Variants in LANCL3 observed in about 807,000 individuals in gnomAD.
The protein encoded by LANCL3 is lanC-like protein 3.
Under a neutral mutation model 26.5 loss-of-function variants are expected in LANCL3, and 19 were observed. The ratio of observed to expected loss-of-function variants is 0.72; its 90% CI spans 0.50 to 1.05. The LOEUF is 1.05. Ranked by LOEUF, LANCL3 falls within the 50% of genes least tolerant of loss-of-function variation. The pLI, the probability that LANCL3 is intolerant of heterozygous loss-of-function variation, is 0.00. For synonymous variants in LANCL3, 160 were observed against 166.6 expected (o/e 0.96, Z 0.30); for missense variants, 318 against 362.7 (o/e 0.88, Z 1.00).
At chrX:37,608,564 CA>C (rs1269883892) in intron 1 of LANCL3, among the ~76,000 whole-genome samples, 1 of 111,505 alleles carries the variant, frequency 9.0e-6, no homozygotes, top group East Asian at 2.8e-4. Flanking sequence ...TATTAGTAAT[CA>C]GGGAATGGAA....
At chrX:37,578,033 A>G (rs1235801257) in intron 1 of LANCL3, among the ~76,000 whole-genome samples, 12 of 112,219 alleles carry the variant, frequency 1.1e-4, no homozygotes, top group African/African-American at 3.6e-4. Flanking sequence ...TCCAAATCCA[A>G]GCTCTTTCCA....
chrX:37,607,486 C>T (rs1268182116), intron 1 of LANCL3, among the ~76,000 whole-genome samples: 1 of 112,177 alleles, frequency 8.9e-6, no homozygotes, highest in Non-Finnish European at 1.9e-5. Context: ...GCACCCAGCC[C>T]GTGTTCTATT....
chrX:37,625,917 G>T (rs1228873580), intron 1 of LANCL3, among the ~76,000 whole-genome samples: 7 of 111,468 alleles, frequency 6.3e-5, no homozygotes, highest in Non-Finnish European at 1.3e-4. Flanking sequence ...GCTTCAGGCT[G>T]TATGCAGGGT....
intron 1 of LANCL3, among the ~76,000 whole-genome samples, chrX:37,639,762 A>G (rs1437358910): frequency 8.9e-6 from 1 of 111,755 alleles, no homozygotes; most frequent in Admixed American, 9.5e-5. Context: ...TTTAAAAAAA[A>G]TGAGTGTCTG....
intron 1 of LANCL3, among the ~76,000 whole-genome samples, chrX:37,600,700 C>T (rs1174243469): frequency 8.9e-6 from 1 of 112,028 alleles, no homozygotes; most frequent in African/African-American, 3.2e-5. Flanking sequence ...AACTTTCATG[C>T]ACCTGAATCA....
At chrX:37,585,697 T>C (rs878949240) in intron 1 of LANCL3, among the ~76,000 whole-genome samples, 1 of 111,626 alleles carries the variant, frequency 9.0e-6, no homozygotes, top group Non-Finnish European at 1.9e-5. Flanking sequence ...TGTCTCTGCA[T>C]GTGAGATGGG....
intron 1 of LANCL3, among the ~76,000 whole-genome samples, chrX:37,601,458 C>A (rs1924573139): frequency 9.2e-6 from 1 of 108,512 alleles, no homozygotes; most frequent in Non-Finnish European, 1.9e-5. Context: ...ATAATGAAAT[C>A]TACCCAGATC....
intron 1 of LANCL3, among the ~76,000 whole-genome samples, chrX:37,641,539 C>G (rs782698923): frequency 1.8e-5 from 2 of 110,715 alleles, no homozygotes; most frequent in East Asian, 5.6e-4. Flanking sequence ...CCAAGGAATA[C>G]ATTTATTAAA....
chrX:37,647,328 A>AAAAAAACT (rs1556427346), intron 1 of LANCL3, among the ~76,000 whole-genome samples: 1 of 109,548 alleles, frequency 9.1e-6, no homozygotes, highest in Non-Finnish European at 1.9e-5. Context: ...ACAAAAAAAC[A>AAAAAAACT]AAAAAACAAA....
At chrX:37,608,859 T>G (rs1303956003) in intron 1 of LANCL3, among the ~76,000 whole-genome samples, 2 of 112,233 alleles carry the variant, frequency 1.8e-5, no homozygotes, top group African/African-American at 6.5e-5. Context: ...CAAAGAGAAT[T>G]AAACTTAAAA....
rs147678173 is a variant in LANCL3 at position 37,599,445 on chromosome X, A to T, written c.573+27002A>T. On this transcript the variant is annotated intron_variant, in intron 1 of 4. Transcript: ENST00000378619. ...GGGTGGGATAATTTGCATTTCTAACAAGTTGCTAGGTGATGCCAGTGCTGC... is the reference window on the plus strand; with the variant it reads ...GGGTGGGATAATTTGCATTTCTAACTAGTTGCTAGGTGATGCCAGTGCTGC... 3.6e-3 allele frequency among the ~76,000 whole-genome samples: 400 copies of T among 111,887 alleles called. 1 individual carries two copies. Among genetic ancestry groups the T allele is most frequent in the African/African-American group, 0.012 (375 of 30,781 alleles).
At chrX:37,630,911 T>C (rs1166487350) in intron 1 of LANCL3, among the ~76,000 whole-genome samples, 1 of 111,470 alleles carries the variant, frequency 9.0e-6, no homozygotes, top group Non-Finnish European at 1.9e-5. Flanking sequence ...TCTAAAATTC[T>C]CTTTTTTGGT....
intron 1 of LANCL3, among the ~76,000 whole-genome samples, chrX:37,582,077 C>G (rs374220603): frequency 1.6e-3 from 175 of 111,411 alleles, no homozygotes; most frequent in African/African-American, 5.5e-3. Flanking sequence ...TGATGGTTTC[C>G]AGCTTCATCC....
rs1346763392 is a variant in LANCL3, at chrX:37,571,965, C to T, written c.95C>T (p.Thr32Ile). 1 of 1,200,613 alleles carries T rather than the reference C, an allele frequency of 8.3e-7. No individual in the cohort carries two copies. Among genetic ancestry groups the T allele is most frequent in the Non-Finnish European group, 1.1e-6 (1 of 890,281 alleles). The change falls in exon 1 of 5, where the codon ACC (threonine) becomes ATC (isoleucine). Residue 32 changes from threonine to isoleucine, a missense_variant. By Grantham distance (89) the Thr-to-Ile change is moderately conservative. Transcript: ENST00000378619. ...QCEEAVAPLV[T>I]ATIERILQEL... ...GAGGAGGCGGTGGCGCCCTTGGTCA[C>T]CGCCACCATCGAGCGCATCCTCCAG... is the stretch of plus-strand genomic sequence containing the variant.
intron 1 of LANCL3, among the ~76,000 whole-genome samples, chrX:37,595,769 C>A (rs1556419442): frequency 8.9e-6 from 1 of 111,832 alleles, no homozygotes; most frequent in African/African-American, 3.2e-5. Context: ...TATTTCTGGA[C>A]CCTTATCTCC....
At chrX:37,630,851 G>C (rs1556424088) in intron 1 of LANCL3, among the ~76,000 whole-genome samples, 1 of 110,634 alleles carries the variant, frequency 9.0e-6, no homozygotes, top group African/African-American at 3.3e-5. Context: ...GATTCGGTTT[G>C]CCAGTATTTT....
chrX:37,572,533 G>A (rs1923632330), intron 1 of LANCL3, 90 bp downstream of exon 1: 1 of 779,724 alleles, frequency 1.3e-6, no homozygotes, highest in Non-Finnish European at 1.9e-6. Flanking sequence ...ACTGTCCCGA[G>A]TTGCTCTCCA....
At chrX:37,671,409 A>G (rs1486262004) in intron 4 of LANCL3, among the ~76,000 whole-genome samples, 1 of 111,721 alleles carries the variant, frequency 9.0e-6, no homozygotes, top group Non-Finnish European at 1.9e-5. Flanking sequence ...CATTATAAAC[A>G]TTAGATTATA....
intron 1 of LANCL3, among the ~76,000 whole-genome samples, chrX:37,582,908 T>C (rs1312703740): frequency 1.8e-5 from 2 of 112,105 alleles, no homozygotes; most frequent in African/African-American, 6.5e-5. Context: ...ATGTCCTGAA[T>C]GGTATTACCT....
Sources: allele counts gnomAD v4.1 joint callset (sites outside exome capture counted in the v4.1 genomes callset), GRCh38; gene constraint gnomAD v4.1.1; transcripts MANE v1.5; gene names NCBI Gene and HGNC (gene_info 2026-07-23, HGNC 2026-07-21).